The following GRM5 variants were observed in gnomAD, a reference collection of about 807,000 sequenced individuals.
GRM5 encodes glutamate metabotropic receptor 5.
GRM5 carries 19 observed loss-of-function variants against 83.1 expected under a neutral mutation model. That is an observed-to-expected ratio of 0.23 (90% confidence interval 0.16 to 0.34). The LOEUF is 0.34. Among genes scored for constraint, GRM5 ranks in the 10% least tolerant of loss-of-function variants. The pLI is 1.00. For synonymous variants in GRM5, 675 were observed against 633.6 expected (o/e 1.07, Z -0.98); for missense variants, 1,160 against 1,588.3 (o/e 0.73, Z 4.58).
intron 3 of GRM5, among the ~76,000 whole-genome samples, chr11:88,773,373 T>C (rs1384711868): frequency 6.6e-6 from 1 of 152,184 alleles, no homozygotes; most frequent in Non-Finnish European, 1.5e-5. Flanking sequence ...GTGGGTAGAT[T>C]GCAAAAATTT....
intron 2 of GRM5, chr11:88,912,078 A>T (rs777577611): frequency 6.5e-6 from 3 of 463,858 alleles, no homozygotes; most frequent in Admixed American, 2.4e-5. Flanking sequence ...GTTCAGAGGA[A>T]CGTGTATCTG....
At chr11:88,671,091 G>C (rs1940181568) in intron 3 of GRM5, among the ~76,000 whole-genome samples, 1 of 151,742 alleles carries the variant, frequency 6.6e-6, no homozygotes, top group Admixed American at 6.6e-5. Flanking sequence ...AATCCAAAGA[G>C]CATCAGCTTA....
At chr11:88,698,664 C>G (rs1190307869) in intron 3 of GRM5, among the ~76,000 whole-genome samples, 1 of 152,098 alleles carries the variant, frequency 6.6e-6, no homozygotes, top group East Asian at 1.9e-4. Context: ...GCTGAGTCCC[C>G]TGTGTGGCAA....
At chr11:88,807,928 TTTG>T (rs1177926420) in intron 3 of GRM5, among the ~76,000 whole-genome samples, 11 of 152,182 alleles carry the variant, frequency 7.2e-5, no homozygotes, top group East Asian at 3.9e-4. Flanking sequence ...TTTCTCAGTA[TTTG>T]TTATCATTTA....
At chr11:88,658,308 G>T (rs963833886) in intron 3 of GRM5, among the ~76,000 whole-genome samples, 2 of 152,144 alleles carry the variant, frequency 1.3e-5, no homozygotes, top group Admixed American at 1.3e-4. Context: ...TGGTTCTTAA[G>T]ATTCTGCTTA....
chr11:88,543,757 A>C (rs1942327384), intron 8 of GRM5, among the ~76,000 whole-genome samples: 1 of 150,234 alleles, frequency 6.7e-6, no homozygotes, highest in Non-Finnish European at 1.5e-5. Context: ...GTCTGAATTT[A>C]TTATGAAGAG....
intron 3 of GRM5, among the ~76,000 whole-genome samples, chr11:88,797,618 C>G (rs902888129): frequency 1.3e-5 from 2 of 152,230 alleles, no homozygotes; most frequent in South Asian, 4.1e-4. Flanking sequence ...TTTAGTAAGT[C>G]CAGCATCACT....
intron 2 of GRM5, among the ~76,000 whole-genome samples, chr11:88,854,590 T>C (rs1350726232): frequency 6.6e-6 from 1 of 151,904 alleles, no homozygotes; most frequent in Non-Finnish European, 1.5e-5. Context: ...AAAGAGTAAC[T>C]ATAAAACTTT....
intron 5 of GRM5, among the ~76,000 whole-genome samples, chr11:88,603,991 A>G (rs1395888690): frequency 6.6e-6 from 1 of 152,160 alleles, no homozygotes; most frequent in Admixed American, 6.5e-5. Flanking sequence ...TCAAAATATC[A>G]TTTCAATGGC....
chr11:88,717,913 C>T (rs915883555), intron 3 of GRM5, among the ~76,000 whole-genome samples: 10 of 151,672 alleles, frequency 6.6e-5, no homozygotes, highest in Non-Finnish European at 1.5e-4. Flanking sequence ...AAAATAGAAT[C>T]TATTAATGTA....
At chr11:88,817,031 A>G (rs1291754649) in intron 3 of GRM5, among the ~76,000 whole-genome samples, 1 of 152,190 alleles carries the variant, frequency 6.6e-6, no homozygotes, top group African/African-American at 2.4e-5. Context: ...ACAAATGAAC[A>G]AGCAAAAAAC....
chr11:88,783,534 G>A (rs1037041024), intron 3 of GRM5, among the ~76,000 whole-genome samples: 1 of 152,098 alleles, frequency 6.6e-6, no homozygotes, highest in Non-Finnish European at 1.5e-5. Flanking sequence ...AGAAGCAAAT[G>A]TCATAGTTTG....
chr11:88,913,923 T>A (rs550004442), intron 2 of GRM5, among the ~76,000 whole-genome samples: 2 of 152,284 alleles, frequency 1.3e-5, no homozygotes, highest in Admixed American at 1.3e-4. Flanking sequence ...CTGTTTTCTC[T>A]CCTTGTTCCT....
intron 2 of GRM5, among the ~76,000 whole-genome samples, chr11:88,888,441 C>T (rs1945083124): frequency 6.6e-6 from 1 of 152,076 alleles, no homozygotes; most frequent in Admixed American, 6.6e-5. Flanking sequence ...CTCTTGAAAC[C>T]CTAATGGGAA....
At chr11:88,693,997 G>C (rs1940846002) in intron 3 of GRM5, among the ~76,000 whole-genome samples, 1 of 152,168 alleles carries the variant, frequency 6.6e-6, no homozygotes, top group Non-Finnish European at 1.5e-5. Flanking sequence ...TAGTAAAACA[G>C]ACATGGTTTA....
At chr11:88,652,014 A>G (rs990338542) in intron 4 of GRM5, among the ~76,000 whole-genome samples, 1 of 151,946 alleles carries the variant, frequency 6.6e-6, no homozygotes, top group African/African-American at 2.4e-5. Context: ...GTATGTGACA[A>G]CCTCTTTGTG....
chr11:88,850,628 T>C (rs1188193724), intron 2 of GRM5, among the ~76,000 whole-genome samples: 1 of 144,374 alleles, frequency 6.9e-6, no homozygotes, highest in Non-Finnish European at 1.5e-5. Context: ...TTATAAAGTA[T>C]TATATTATAT....
At chr11:88,673,777 T>G (rs183381434) in intron 3 of GRM5, among the ~76,000 whole-genome samples, 20 of 151,678 alleles carry the variant, frequency 1.3e-4, no homozygotes, top group Non-Finnish European at 7.4e-5. Context: ...TAGGGAGATG[T>G]ATTGAGTAGA....
At chr11:88,776,169 G>A (rs1043727895) in intron 3 of GRM5, among the ~76,000 whole-genome samples, 1 of 152,168 alleles carries the variant, frequency 6.6e-6, no homozygotes, top group African/African-American at 2.4e-5. Flanking sequence ...TCTTCTTGTT[G>A]AATTGATCCC....
Sources: allele counts gnomAD v4.1 joint callset (sites outside exome capture counted in the v4.1 genomes callset), GRCh38; gene constraint gnomAD v4.1.1; transcripts MANE v1.5; gene names NCBI Gene and HGNC (gene_info 2026-07-23, HGNC 2026-07-21).